PDE10A: variants seen among roughly 807,000 people sequenced by gnomAD.
The protein encoded by PDE10A is cAMP and cAMP-inhibited cGMP 3',5'-cyclic phosphodiesterase 10A.
A neutral mutation model predicts 97.7 loss-of-function variants in PDE10A; 39 were observed. The observed-to-expected ratio is 0.40, with a 90% CI of 0.31 to 0.52. The LOEUF (loss-of-function observed/expected upper bound fraction) is 0.52. Ranked by LOEUF, PDE10A falls within the 20% of genes least tolerant of loss-of-function variation. PDE10A has a pLI of 0.56. For missense variants in PDE10A, 731 were observed against 1,047.8 expected (o/e 0.70, Z 4.17); for synonymous variants, 371 against 376.8 (o/e 0.98, Z 0.18).
At chr6:165,895,637 C>G (rs1440567168) in intron 1 of PDE10A, among the ~76,000 whole-genome samples, 1 of 152,236 alleles carries the variant, frequency 6.6e-6, no homozygotes, top group Non-Finnish European at 1.5e-5. Context: ...TTTCCCTGTC[C>G]TGGCCTTTGC....
chr6:165,350,612 A>G (rs1028101827), intron 18 of PDE10A, among the ~76,000 whole-genome samples: 1 of 152,192 alleles, frequency 6.6e-6, no homozygotes, highest in South Asian at 2.1e-4. Context: ...GGAAGGGGGC[A>G]GGGGCAGAAT....
At chr6:165,368,299 A>T (rs1783962029) in intron 18 of PDE10A, among the ~76,000 whole-genome samples, 1 of 152,190 alleles carries the variant, frequency 6.6e-6, no homozygotes, top group South Asian at 2.1e-4. Flanking sequence ...CCCAGCCCAT[A>T]TTTCTTAAAT....
chr6:165,410,191 A>G (rs1429324633), intron 13 of PDE10A, among the ~76,000 whole-genome samples: 1 of 152,168 alleles, frequency 6.6e-6, no homozygotes, highest in East Asian at 1.9e-4. Flanking sequence ...AAATGCTGGT[A>G]TTAATGAGGG....
chr6:165,453,765 C>T, intron 3 of PDE10A, among the ~76,000 whole-genome samples: 1 of 152,200 alleles, frequency 6.6e-6, no homozygotes, highest in Admixed American at 6.5e-5. Flanking sequence ...CAGCCTGGGG[C>T]CCACGGACAA....
chr6:165,575,982 T>C (rs1371223500), intron 1 of PDE10A, among the ~76,000 whole-genome samples: 1 of 152,228 alleles, frequency 6.6e-6, no homozygotes, highest in Admixed American at 6.5e-5. Context: ...TTGGTCTCAG[T>C]AGTATCAGAT....
In PDE10A at chr6:165,327,562, A is replaced by G. The variant is rs1224751714; in HGVS notation, c.*5463T>C. ...ATGATTACTGTTCTATTATACAAAC[A>G]TAACAGTAAATGTTTTTTAAATACA... On this transcript the variant is annotated 3_prime_UTR_variant, in exon 22 of 22. Transcript: ENST00000539869. 6.6e-6 allele frequency: 1 copy of G among 152,210 alleles called. No individual in the cohort carries two copies. Among genetic ancestry groups the G allele is most frequent in the Non-Finnish European group, 1.5e-5 (1 of 68,030 alleles). The allele number at this position is 152,210 out of a possible 1,614,324, so 9.4% of individuals were successfully genotyped here. A position where few individuals can be genotyped will look rare whatever the true frequency, so the allele number is the denominator to read the frequency against.
intron 1 of PDE10A, among the ~76,000 whole-genome samples, chr6:165,638,806 T>G (rs548954315): frequency 8.5e-5 from 13 of 152,254 alleles, no homozygotes; most frequent in African/African-American, 3.1e-4. Context: ...CAAACAACAA[T>G]AGAAAGTTAA....
At chr6:165,347,282 G>A (rs756485556) in intron 18 of PDE10A, among the ~76,000 whole-genome samples, 6 of 152,004 alleles carry the variant, frequency 3.9e-5, no homozygotes, top group Non-Finnish European at 5.9e-5. Context: ...TTGAACAGCT[G>A]CATACTCAAA....
intron 3 of PDE10A, among the ~76,000 whole-genome samples, chr6:165,476,205 T>C (rs1165609313): frequency 2.6e-5 from 4 of 151,850 alleles, no homozygotes; most frequent in Admixed American, 6.6e-5. Flanking sequence ...GTTAGTATTA[T>C]ACTAGAATAC....
At chr6:165,410,977 C>T in intron 13 of PDE10A, among the ~76,000 whole-genome samples, 1 of 83,264 alleles carries the variant, frequency 1.2e-5, no homozygotes. Context: ...GTCCCAGCTA[C>T]TCGGGAGGCT....
Position 165,662,132 on chromosome 6 carries a change from CGGCG to C in PDE10A, c.676_679del (p.Arg226AlafsTer55). ...GCCGGGGAAGCCGGGGGAGCCCGCG[CGGCG>C]GGCGGCCTGGCCAAGGGGGAGCCGG... On this transcript the variant is annotated frameshift_variant, in exon 1 of 22. Coordinates refer to ENST00000539869, the MANE Select transcript of PDE10A (RefSeq NM_001385079.1). LOFTEE classifies it high-confidence loss of function. 3.5e-6 allele frequency: 3 copies of C among 850,752 alleles called. No homozygotes were observed. The highest frequency in any genetic ancestry group is 4.3e-6 in the Non-Finnish European group (3 of 704,394). The allele number at this position is 850,752 out of a possible 1,614,324, so 52.7% of individuals were successfully genotyped here. A position where few individuals can be genotyped will look rare whatever the true frequency, so the allele number is the denominator to read the frequency against.
intron 19 of PDE10A, among the ~76,000 whole-genome samples, chr6:165,341,354 C>G (rs1055026059): frequency 6.6e-6 from 1 of 152,198 alleles, no homozygotes; most frequent in Non-Finnish European, 1.5e-5. Flanking sequence ...AGCTTTTAAT[C>G]CTGCACCTTC....
intron 1 of PDE10A, among the ~76,000 whole-genome samples, chr6:165,807,683 A>T (rs1220467881): frequency 6.6e-6 from 1 of 152,116 alleles, no homozygotes; most frequent in African/African-American, 2.4e-5. Flanking sequence ...TTTAACTCCC[A>T]CAAGTCCTCT....
chr6:165,378,271 T>C (rs190407405), intron 18 of PDE10A, among the ~76,000 whole-genome samples: 204 of 152,316 alleles, frequency 1.3e-3, no homozygotes, highest in African/African-American at 4.6e-3. Context: ...ACTTAATGAA[T>C]CACAGAGGAG....
intron 3 of PDE10A, among the ~76,000 whole-genome samples, chr6:165,468,967 C>T (rs983376151): frequency 3.9e-5 from 6 of 152,220 alleles, no homozygotes; most frequent in Non-Finnish European, 7.3e-5. Context: ...CTAGCATAGA[C>T]TTGTGGCTGC....
intron 1 of PDE10A, among the ~76,000 whole-genome samples, chr6:165,942,565 C>T (rs999850287): frequency 2.6e-5 from 4 of 152,094 alleles, no homozygotes; most frequent in Admixed American, 6.5e-5. Context: ...CAGGGCTCGC[C>T]GCTCTGCCCC....
intron 17 of PDE10A, among the ~76,000 whole-genome samples, chr6:165,383,357 C>A (rs1047846361): frequency 1.3e-5 from 2 of 152,152 alleles, no homozygotes; most frequent in African/African-American, 4.8e-5. Flanking sequence ...AATAATGATT[C>A]AATTACCATT....
intron 1 of PDE10A, among the ~76,000 whole-genome samples, chr6:165,694,817 G>A (rs564878847): frequency 6.6e-6 from 1 of 151,694 alleles, no homozygotes; most frequent in African/African-American, 2.4e-5. Flanking sequence ...AACAAAATCA[G>A]GCTCCCAAAC....
intron 1 of PDE10A, among the ~76,000 whole-genome samples, chr6:165,717,173 T>C (rs547755061): frequency 1.3e-5 from 2 of 152,344 alleles, no homozygotes; most frequent in East Asian, 3.9e-4. Flanking sequence ...GTCAGAATTG[T>C]CTTCCTTTTT....
Sources: gnomAD v4.1 joint callset for allele counts (sites outside exome capture counted in the v4.1 genomes callset) on GRCh38, gnomAD v4.1.1 for gene constraint, MANE v1.5 for transcripts, NCBI Gene and HGNC (gene_info 2026-07-23, HGNC 2026-07-21) for gene names.